The following ELAVL2 variants were observed in gnomAD, a reference collection of about 807,000 sequenced individuals.
ELAVL2 encodes the protein ELAV-like protein 2.
In ELAVL2, 4 loss-of-function variants were observed where a neutral mutation model predicts 34.6. That is an observed-to-expected ratio of 0.12 (90% CI 0.06 to 0.26). ELAVL2 has a LOEUF of 0.26. Among genes scored for constraint, ELAVL2 ranks in the 10% least tolerant of loss-of-function variants. The pLI is 1.00. For missense variants in ELAVL2, 432 were observed against 442.8 expected, an observed-to-expected ratio of 0.98 and a Z score of 0.22; for synonymous variants, 193 against 154.8, an observed-to-expected ratio of 1.25 and a Z score of -1.83.
intron 1 of ELAVL2, among the ~76,000 whole-genome samples, chr9:23,769,888 G>A (rs1047261272): frequency 1.3e-5 from 2 of 152,184 alleles, no homozygotes; most frequent in Non-Finnish European, 2.9e-5. Flanking sequence ...GAGCTGGCAG[G>A]TTCAAAAGCT....
chr9:23,771,957 A>G (rs188401319), intron 1 of ELAVL2, among the ~76,000 whole-genome samples: 6 of 152,298 alleles, frequency 3.9e-5, no homozygotes, highest in Admixed American at 2.6e-4. Context: ...TTCCAACCTA[A>G]GTGGACCCAA....
chr9:23,745,169 A>G (rs2050194988), intron 2 of ELAVL2, among the ~76,000 whole-genome samples: 1 of 152,106 alleles, frequency 6.6e-6, no homozygotes, highest in Non-Finnish European at 1.5e-5. Context: ...ACACCACCAC[A>G]CTCCATCCTG....
intron 1 of ELAVL2, among the ~76,000 whole-genome samples, chr9:23,815,532 C>G (rs569196649): frequency 6.6e-6 from 1 of 152,208 alleles, no homozygotes; most frequent in South Asian, 2.1e-4. Context: ...TAAAACTAAT[C>G]AAGCAGTAAC....
the ELAVL2 span, among the ~76,000 whole-genome samples, chr9:23,840,902 T>C: frequency 6.6e-6 from 1 of 152,148 alleles, no homozygotes; most frequent in Non-Finnish European, 1.5e-5. Flanking sequence ...AGAGATCAGG[T>C]GGTGCCATGC....
intron 3 of ELAVL2, among the ~76,000 whole-genome samples, chr9:23,710,981 C>G (rs1040455962): frequency 6.6e-6 from 1 of 152,094 alleles, no homozygotes; most frequent in Non-Finnish European, 1.5e-5. Context: ...GTACTTTGAT[C>G]TGCTTCTAAA....
the ELAVL2 span, among the ~76,000 whole-genome samples, chr9:23,839,733 CCTT>C: frequency 6.6e-6 from 1 of 152,060 alleles, no homozygotes. Context: ...TATAGCAGCT[CCTT>C]GAGTTTCTGA....
chr9:23,695,796 A>C (rs1237943661), intron 5 of ELAVL2, among the ~76,000 whole-genome samples: 1 of 152,200 alleles, frequency 6.6e-6, no homozygotes, highest in African/African-American at 2.4e-5. Context: ...ACTAGACAAT[A>C]GGAATTTTTT....
chr9:23,802,678 G>A (rs188509300), intron 1 of ELAVL2, among the ~76,000 whole-genome samples: 128 of 152,294 alleles, frequency 8.4e-4, no homozygotes, highest in African/African-American at 2.6e-3. Context: ...GGGAAGTCAA[G>A]AGAATGCCTT....
At chr9:23,810,602 C>T (rs1438718945) in intron 1 of ELAVL2, among the ~76,000 whole-genome samples, 1 of 152,034 alleles carries the variant, frequency 6.6e-6, no homozygotes, top group East Asian at 1.9e-4. Flanking sequence ...TGATTTCAGC[C>T]ACCTTAAACT....
chr9:23,762,196 G>C lies in ELAVL2; in HGVS notation c.39C>G (p.Asn13Lys). The change falls in exon 2 of 7, where the codon AAC becomes AAG. Residue 13 changes from asparagine (N) to lysine (K), a missense_variant. Physicochemically the swap from Asn to Lys is moderately conservative, Grantham distance 94. Coordinates refer to ENST00000397312, the MANE Select transcript of ELAVL2 (RefSeq NM_004432.5). ...TTATGGTGGTTGGACCATTGGCTGT[G>C]TTATTGCAAGTTGGCCCATTAGACA... ...TQLSNGPTCN[N>K]TANGPTTINN... 6.2e-7 allele frequency: 1 copy of C among 1,613,560 alleles called. No homozygotes were observed. The highest frequency in any genetic ancestry group is 2.2e-5 in the East Asian group (1 of 44,872).
At chr9:23,730,236 G>C (rs978197710) in intron 3 of ELAVL2, among the ~76,000 whole-genome samples, 3 of 152,088 alleles carry the variant, frequency 2.0e-5, no homozygotes, top group Non-Finnish European at 4.4e-5. Context: ...AATTAGATTA[G>C]CTCCCTCTCA....
chr9:23,694,070 C>T (rs996766906), intron 5 of ELAVL2, among the ~76,000 whole-genome samples: 6 of 152,040 alleles, frequency 3.9e-5, no homozygotes, highest in African/African-American at 1.5e-4. Context: ...CCAAGCTAAC[C>T]CTCCCATTTC....
chr9:23,702,028 A>C (rs1023338878), intron 4 of ELAVL2, among the ~76,000 whole-genome samples: 1 of 152,214 alleles, frequency 6.6e-6, no homozygotes, highest in Non-Finnish European at 1.5e-5. Flanking sequence ...TGAAACAAGG[A>C]GAACAGAAAG....
chr9:23,841,345 C>T, the ELAVL2 span, among the ~76,000 whole-genome samples: 1 of 151,964 alleles, frequency 6.6e-6, no homozygotes, highest in Admixed American at 6.6e-5. Flanking sequence ...TGGTAGGAAA[C>T]CAGAGTGATT....
intron 5 of ELAVL2, among the ~76,000 whole-genome samples, chr9:23,694,000 G>T (rs939006575): frequency 6.6e-6 from 1 of 152,144 alleles, no homozygotes; most frequent in Non-Finnish European, 1.5e-5. Context: ...ACTTTGAAGG[G>T]CTTTCATCTT....
At chr9:23,734,695 A>G (rs1025142005) in intron 2 of ELAVL2, among the ~76,000 whole-genome samples, 1 of 152,196 alleles carries the variant, frequency 6.6e-6, no homozygotes, top group Non-Finnish European at 1.5e-5. Context: ...TTTACTATAT[A>G]TGAATTTCAG....
At position 23,824,721 on chromosome 9, in the gene ELAVL2, T is replaced by C. The variant is rs74470935; in HGVS notation, c.-16+1085A>G. Reference sequence around the variant, plus strand: ...CTCTCTTTGGCAGTAGAAAGCCAAATGATTTCTCCTAAACCCTGAGAAATC... The same window carrying C: ...CTCTCTTTGGCAGTAGAAAGCCAAACGATTTCTCCTAAACCCTGAGAAATC... On this transcript the variant is annotated intron_variant, in intron 1 of 6. Coordinates refer to ENST00000397312, the MANE Select transcript of ELAVL2 (RefSeq NM_004432.5). Among the ~76,000 whole-genome samples the C allele has an allele frequency of 6.7e-3, 1,026 of 152,332 alleles. 8 individuals are homozygous for C. Among genetic ancestry groups the C allele is most frequent in the Middle Eastern group, 0.014 (4 of 294 alleles).
rs199637833 is a variant in ELAVL2 at position 23,699,812 on chromosome 9, G to GTTTTT, written c.713+1562_713+1566dup. Reference sequence around the variant, plus strand: ...CCATGGGAAGTCAAAGGTGGCAAAGGTTTTTTTTTTTTTTTTTTTTTTTTT... The same window carrying GTTTTT: ...CCATGGGAAGTCAAAGGTGGCAAAGGTTTTTTTTTTTTTTTTTTTTTTTTTTTTTT... On this transcript the variant is annotated intron_variant, in intron 5 of 6. Transcript: ENST00000397312. Among the ~76,000 whole-genome samples, 325 of 82,954 alleles carry GTTTTT rather than the reference G, an allele frequency of 3.9e-3. 36 individuals carry two copies. Among genetic ancestry groups the GTTTTT allele is most frequent in the East Asian group, 0.011 (25 of 2,230 alleles). 54.4% of individuals were successfully genotyped at this position (82,954 alleles called of 152,430 possible). A position where few individuals can be genotyped will look rare whatever the true frequency, so the allele number is the denominator to read the frequency against.
intron 1 of ELAVL2, among the ~76,000 whole-genome samples, chr9:23,817,633 G>A (rs754547589): frequency 1.4e-4 from 22 of 152,088 alleles, no homozygotes; most frequent in Non-Finnish European, 2.8e-4. Flanking sequence ...GTTACCTTTT[G>A]TTTTGTTTTG....
Sources: gnomAD v4.1 joint callset for allele counts (sites outside exome capture counted in the v4.1 genomes callset) on GRCh38, gnomAD v4.1.1 for gene constraint, MANE v1.5 for transcripts, NCBI Gene and HGNC (gene_info 2026-07-23, HGNC 2026-07-21) for gene names.